Variants in SLC34A2 observed in about 807,000 individuals in gnomAD.
The protein encoded by SLC34A2 is sodium-dependent phosphate transport protein 2B.
A neutral mutation model predicts 50.8 loss-of-function variants in SLC34A2; 41 were observed. The observed-to-expected ratio is 0.81, with a 90% CI of 0.63 to 1.05. The LOEUF (loss-of-function observed/expected upper bound fraction) is 1.05. SLC34A2 is among the 50% of genes least tolerant of loss of function. The pLI, the probability that SLC34A2 is intolerant of heterozygous loss-of-function variation, is 0.00. For synonymous variants in SLC34A2, 401 were observed against 364.2 expected (o/e 1.10, Z -1.15); for missense variants, 879 against 876.7 (o/e 1.00, Z -0.03).
intron 1 of SLC34A2, among the ~76,000 whole-genome samples, chr4:25,660,065 A>T (rs1714098765): frequency 6.6e-6 from 1 of 152,210 alleles, no homozygotes; most frequent in Non-Finnish European, 1.5e-5. Flanking sequence ...AGAAGGAGTA[A>T]TTTCTCTTTT....
intron 1 of SLC34A2, among the ~76,000 whole-genome samples, chr4:25,661,023 C>G (rs146788631): frequency 6.6e-6 from 1 of 152,144 alleles, no homozygotes; most frequent in Non-Finnish European, 1.5e-5. Flanking sequence ...CTGAGAAAGG[C>G]CTTGTGAAGA....
chr4:25,671,873 C>A, intron 9 of SLC34A2, 152 bp downstream of exon 9: 1 of 1,126,904 alleles, frequency 8.9e-7, no homozygotes, highest in Non-Finnish European at 1.3e-6. Context: ...GCTTTCACAG[C>A]AGAGGAAACT....
At chr4:25,669,341 G>A (rs1213970613) in intron 6 of SLC34A2, among the ~76,000 whole-genome samples, 3 of 152,106 alleles carry the variant, frequency 2.0e-5, no homozygotes, top group Non-Finnish European at 4.4e-5. Context: ...CCAAAAGAAG[G>A]TAGCCTTCAA....
At position 25,662,723 on chromosome 4, in the gene SLC34A2, C is replaced by G. The variant is rs148305209; in HGVS notation, c.131C>G (p.Pro44Arg). ...ETNKTDNTEAPVTKIELLPSY... is the reference protein window; with the variant it reads ...ETNKTDNTEARVTKIELLPSY... The stretch of plus-strand genomic sequence containing the variant: ...GTTTCAGCAGATAACACTGAGGCAC[C>G]TGTAACCAAGATTGAACTTCTGCCG... The change falls in exon 3 of 13, where the codon CCT becomes CGT. Residue 44 changes from proline to arginine, a missense_variant. Physicochemically the swap from Pro to Arg is moderately radical, Grantham distance 103. Coordinates refer to ENST00000382051, the MANE Select transcript of SLC34A2 (RefSeq NM_006424.3). 101 of 1,613,998 alleles carry G rather than the reference C, an allele frequency of 6.3e-5. No homozygotes were observed. In the African/African-American group the frequency reaches 1.3e-3, roughly 20 times the overall value.
At chr4:25,662,389 CGAAACCCCCACCCA>C (rs949953149) in intron 1 of SLC34A2, 95 bp from the exon 2 acceptor site, 30 of 969,510 alleles carry the variant, frequency 3.1e-5, no homozygotes, top group Non-Finnish European at 4.3e-5. Context: ...CGCCTCCGGC[CGAAACCCCCACCCA>C]GTTGATGCTT....
In SLC34A2 at chr4:25,676,197, C is replaced by T; in HGVS notation, c.1521C>T (p.Phe507=). Reference sequence around the variant, plus strand: ...TCTTGCTGTGGTACCCGATCCCGTTCACTCGCCTGCCCATCCGCATGGCCA... The same window carrying T: ...TCTTGCTGTGGTACCCGATCCCGTTTACTCGCCTGCCCATCCGCATGGCCA... ...SGILLWYPIP[F]TRLPIRMAKG... is the part of the protein sequence containing the mutation. The change falls in exon 13 of 13, where the codon TTC becomes TTT. Residue 507 remains phenylalanine, a synonymous_variant. Transcript: ENST00000382051. 1.2e-6 allele frequency: 2 copies of T among 1,614,216 alleles called. No homozygotes were observed. Among genetic ancestry groups the T allele is most frequent in the Non-Finnish European group, 1.7e-6 (2 of 1,180,048 alleles).
rs776286587 is a variant in SLC34A2, at chr4:25,676,500, C to T, written c.1824C>T (p.Ser608=). ...RSLKPWDAVV[S]KFTGCFQMRC... The stretch of plus-strand genomic sequence containing the variant: ...TGAAGCCCTGGGATGCCGTCGTCTC[C>T]AAGTTCACCGGCTGCTTCCAGATGC... Residue 608 remains serine, a synonymous_variant, in exon 13 of 13, where the codon TCC becomes TCT. Transcript: ENST00000382051. The T allele has an allele frequency of 5.0e-6, 8 of 1,614,052 alleles. No individual in the cohort carries two copies. Among genetic ancestry groups the T allele is most frequent in the Non-Finnish European group, 6.8e-6 (8 of 1,180,040 alleles).
At chr4:25,676,069 C>T in intron 12 of SLC34A2, 66 bp from the exon 13 acceptor site, 5 of 1,598,318 alleles carry the variant, frequency 3.1e-6, no homozygotes, top group Non-Finnish European at 4.3e-6. Flanking sequence ...ACCTCCCCCT[C>T]CTCCTCCCTA....
intron 3 of SLC34A2, 38 bp downstream of exon 3, chr4:25,662,880 C>A: frequency 6.2e-7 from 1 of 1,612,142 alleles, no homozygotes; most frequent in Non-Finnish European, 8.5e-7. Context: ...AGGAGGGAAA[C>A]TTCCTGTGGT....
chr4:25,663,977 C>T (rs1005391269), intron 3 of SLC34A2, among the ~76,000 whole-genome samples: 4 of 152,146 alleles, frequency 2.6e-5, no homozygotes, highest in African/African-American at 9.7e-5. Context: ...AGGCACTTTA[C>T]CAGGGGTTTC....
rs776157361 is a variant in SLC34A2 at position 25,667,899 on chromosome 4, C to T, written c.543C>T (p.Ala181=). The change falls in exon 6 of 13, where the codon GCC becomes GCT. Residue 181 remains alanine (A), a synonymous_variant. Transcript: ENST00000382051. ...CTCTAGTGCTCACTGTTCGGGCTGC[C>T]ATCCCCATTATCATGGGGGCCAACA... ...VSSSLLTVRA[A]IPIIMGANIG... is the part of the protein sequence containing the mutation. 2.5e-6 allele frequency: 4 copies of T among 1,612,618 alleles called. No individual in the cohort carries two copies. Among genetic ancestry groups the T allele is most frequent in the Non-Finnish European group, 3.4e-6 (4 of 1,178,596 alleles).
chr4:25,673,454 A>T (rs1049406673), intron 10 of SLC34A2, among the ~76,000 whole-genome samples, 200 bp downstream of exon 10: 1 of 152,084 alleles, frequency 6.6e-6, no homozygotes, highest in Non-Finnish European at 1.5e-5. Context: ...CCAAGTTTCC[A>T]TTGCATCTTG....
chr4:25,658,485 T>G (rs1714005039), intron 1 of SLC34A2, among the ~76,000 whole-genome samples: 1 of 152,188 alleles, frequency 6.6e-6, no homozygotes, highest in African/African-American at 2.4e-5. Flanking sequence ...ACAATGCGAA[T>G]GTAGGGGTTG....
Position 25,674,360 on chromosome 4 carries a change from C to T in SLC34A2, c.1281C>T (p.Thr427=), listed in dbSNP as rs760838727. ...YLAILVGAGM[T]FIVQSSSVFT... The stretch of plus-strand genomic sequence containing the variant: ...CCATCCTCGTCGGGGCAGGCATGAC[C>T]TTCATCGTACAGAGCAGCTCTGTGT... The change falls in exon 11 of 13, where the codon ACC becomes ACT. Residue 427 remains threonine, a synonymous_variant. Transcript: ENST00000382051. 4.3e-6 allele frequency: 7 copies of T among 1,614,214 alleles called. No homozygotes were observed. Among genetic ancestry groups the T allele is most frequent in the Non-Finnish European group, 5.9e-6 (7 of 1,180,044 alleles).
chr4:25,659,561 A>G (rs1714073418), intron 1 of SLC34A2, among the ~76,000 whole-genome samples: 1 of 152,170 alleles, frequency 6.6e-6, no homozygotes, highest in Non-Finnish European at 1.5e-5. Flanking sequence ...ACAATAAACA[A>G]GAGTTCCGAG....
rs757338289 is a variant in SLC34A2, at chr4:25,667,918, G to A, written c.562G>A (p.Ala188Thr). The change falls in exon 6 of 13, where the codon GCC (alanine) becomes ACC (threonine). Residue 188 changes from alanine to threonine, a missense_variant. Transcript: ENST00000382051. ...GGCTGCCATCCCCATTATCATGGGG[G>A]CCAACATTGGAACGTCAATCACCAA... ...VRAAIPIIMG[A>T]NIGTSITNTI... 2.0e-5 allele frequency: 33 copies of A among 1,613,926 alleles called. No individual in the cohort carries two copies. The highest frequency in any genetic ancestry group is 2.5e-5 in the Non-Finnish European group (30 of 1,179,832).
At chr4:25,665,392 A>G (rs183829846) in intron 4 of SLC34A2, among the ~76,000 whole-genome samples, 1 of 151,884 alleles carries the variant, frequency 6.6e-6, no homozygotes, top group African/African-American at 2.4e-5. Context: ...GTCTGCAACT[A>G]CTGACCTCAG....
chr4:25,676,773 T>C lies in SLC34A2; in HGVS notation c.*24T>C, dbSNP rs920660997. ...AGGGGACGCCCCAGATTGTCAGGGA[T>C]GGGGGGATGGTCCTTGAGTTTTGCA... On this transcript the variant is annotated 3_prime_UTR_variant, in exon 13 of 13. Coordinates refer to ENST00000382051, the MANE Select transcript of SLC34A2 (RefSeq NM_006424.3). 1.2e-6 allele frequency: 2 copies of C among 1,613,690 alleles called. No homozygotes were observed. The highest frequency in any genetic ancestry group is 1.3e-5 in the African/African-American group (1 of 74,878).
intron 6 of SLC34A2, among the ~76,000 whole-genome samples, chr4:25,668,890 GTTTT>G (rs545397296): frequency 7.4e-6 from 1 of 135,874 alleles, no homozygotes; most frequent in Non-Finnish European, 1.6e-5. Flanking sequence ...CTTCTAGCTA[GTTTT>G]TTTTTTTTTT....
Sources: allele counts gnomAD v4.1 joint callset (sites outside exome capture counted in the v4.1 genomes callset), GRCh38; gene constraint gnomAD v4.1.1; transcripts MANE v1.5; gene names NCBI Gene and HGNC (gene_info 2026-07-23, HGNC 2026-07-21).